The following KCNIP4 variants were observed in gnomAD, a reference collection of about 807,000 sequenced individuals.
KCNIP4 encodes potassium voltage-gated channel interacting protein 4.
A neutral mutation model predicts 34.0 loss-of-function variants in KCNIP4; 12 were observed. That is an observed-to-expected ratio of 0.35 (90% CI 0.23 to 0.57). KCNIP4 has a LOEUF of 0.57. Ranked by LOEUF, KCNIP4 falls within the 20% of genes least tolerant of loss-of-function variation. The pLI is 0.83. For synonymous variants in KCNIP4, 124 were observed against 102.2 expected (o/e 1.21, Z -1.29); for missense variants, 238 against 311.7 (o/e 0.76, Z 1.78).
chr4:21,395,184 T>G (rs1042507921), intron 1 of KCNIP4, among the ~76,000 whole-genome samples: 11 of 152,016 alleles, frequency 7.2e-5, no homozygotes, highest in African/African-American at 2.4e-4. Flanking sequence ...AAGCAGAAAT[T>G]TGTGAGAAAT....
At chr4:21,431,410 C>A (rs890615175) in intron 1 of KCNIP4, among the ~76,000 whole-genome samples, 4 of 151,978 alleles carry the variant, frequency 2.6e-5, no homozygotes, top group East Asian at 1.9e-4. Context: ...CTCCATAGTA[C>A]CAACCATAAT....
At chr4:21,864,690 T>C (rs1294656343) in intron 1 of KCNIP4, among the ~76,000 whole-genome samples, 3 of 152,180 alleles carry the variant, frequency 2.0e-5, no homozygotes. Context: ...ATGTCTGGTA[T>C]CGAGAAAAGG....
chr4:21,565,132 T>C (rs1176331396), intron 1 of KCNIP4, among the ~76,000 whole-genome samples: 2 of 152,108 alleles, frequency 1.3e-5, no homozygotes, highest in African/African-American at 4.8e-5. Flanking sequence ...CATAACAAAA[T>C]ACCATAGACC....
chr4:21,722,851 C>T (rs771024307), intron 1 of KCNIP4, among the ~76,000 whole-genome samples: 1 of 152,186 alleles, frequency 6.6e-6, no homozygotes, highest in South Asian at 2.1e-4. Flanking sequence ...TATGGTTAAA[C>T]ATAATTTTAA....
At chr4:21,545,735 T>C (rs1198647320) in intron 1 of KCNIP4, among the ~76,000 whole-genome samples, 2 of 152,190 alleles carry the variant, frequency 1.3e-5, no homozygotes, top group Admixed American at 6.5e-5. Context: ...TATGGCTGCA[T>C]AGTATTCCAT....
intron 1 of KCNIP4, among the ~76,000 whole-genome samples, chr4:21,794,191 G>A (rs1454032070): frequency 6.6e-6 from 1 of 152,142 alleles, no homozygotes; most frequent in African/African-American, 2.4e-5. Flanking sequence ...GTTAACGGGT[G>A]CAGCACACCA....
chr4:21,236,845 T>C (rs899629834), intron 1 of KCNIP4, among the ~76,000 whole-genome samples: 1 of 142,090 alleles, frequency 7.0e-6, no homozygotes, highest in Non-Finnish European at 1.5e-5. Flanking sequence ...CCACCTCTAC[T>C]AAAAAAAAAA....
chr4:21,087,401 C>T (rs1746568078), intron 1 of KCNIP4, among the ~76,000 whole-genome samples: 1 of 151,998 alleles, frequency 6.6e-6, no homozygotes, highest in Admixed American at 6.6e-5. Context: ...TAGTCTCAAT[C>T]TTCCTGACCT....
intron 1 of KCNIP4, among the ~76,000 whole-genome samples, chr4:21,067,993 T>G (rs1288093738): frequency 6.6e-6 from 1 of 152,204 alleles, no homozygotes; most frequent in Non-Finnish European, 1.5e-5. Flanking sequence ...ATAAATTATT[T>G]GTTAAAATAT....
intron 1 of KCNIP4, among the ~76,000 whole-genome samples, chr4:20,963,251 C>T (rs114918955): frequency 0.019 from 2,917 of 151,800 alleles, 97 homozygotes; most frequent in African/African-American, 0.067. Flanking sequence ...TCCTTGAACC[C>T]GGGAATCAGA....
intron 1 of KCNIP4, among the ~76,000 whole-genome samples, chr4:21,652,248 C>G (rs1747550734): frequency 6.6e-6 from 1 of 152,176 alleles, no homozygotes; most frequent in Non-Finnish European, 1.5e-5. Context: ...TCAGTTGTGG[C>G]AGGCTTTGTC....
At chr4:21,147,807 C>G (rs35859377) in intron 1 of KCNIP4, among the ~76,000 whole-genome samples, 21,858 of 151,414 alleles carry the variant, frequency 0.14, 2,084 homozygotes, top group Non-Finnish European at 0.21. Flanking sequence ...AGCATGGTGG[C>G]AGATGCCTGT....
At position 21,079,510 on chromosome 4, in the gene KCNIP4, A is replaced by G. The variant is rs142915950; in HGVS notation, c.62-196801T>C. Among the ~76,000 whole-genome samples the G allele has an allele frequency of 3.7e-4, 55 of 150,084 alleles. 1 individual carries two copies. In the East Asian group the frequency reaches 0.01, roughly 28 times the overall value. On this transcript the variant is annotated intron_variant, in intron 1 of 8. Transcript: ENST00000382152. ...AACTGCCCCACTTCTCATTTTGCCAAACCAGATTGCCTTTCTCTTAATAGC... is the reference window on the plus strand; with the variant it reads ...AACTGCCCCACTTCTCATTTTGCCAGACCAGATTGCCTTTCTCTTAATAGC...
At chr4:20,876,622 G>T (rs550854548) in intron 2 of KCNIP4, among the ~76,000 whole-genome samples, 1 of 151,764 alleles carries the variant, frequency 6.6e-6, no homozygotes, top group Non-Finnish European at 1.5e-5. Context: ...AGGCTGTAGT[G>T]CAGTGGCACG....
chr4:21,464,127 T>G (rs1461191331), intron 1 of KCNIP4, among the ~76,000 whole-genome samples: 1 of 152,126 alleles, frequency 6.6e-6, no homozygotes, highest in East Asian at 1.9e-4. Context: ...TAGCTAAAAT[T>G]TTGTCAATTT....
Position 21,575,012 on chromosome 4 carries a change from T to C in KCNIP4, c.61+373559A>G, listed in dbSNP as rs189542077. ...CTAATGGAATTATGTAATGTGTATG[T>C]CATTATATATGACTGTTTTTAAAAG... On this transcript the variant is annotated intron_variant, in intron 1 of 8. Coordinates refer to ENST00000382152, the MANE Select transcript of KCNIP4 (RefSeq NM_025221.6). 5.9e-4 allele frequency among the ~76,000 whole-genome samples: 90 copies of C among 152,322 alleles called. No individual in the cohort carries two copies. The East Asian group carries it at 0.014, about 23-fold the overall frequency.
At chr4:21,851,157 G>C (rs1023996593) in intron 1 of KCNIP4, 2 of 152,086 alleles carry the variant, frequency 1.3e-5, no homozygotes, top group African/African-American at 4.8e-5. Context: ...AGACAGAAGA[G>C]AGCCACAGGC....
chr4:21,341,806 C>A (rs1391390987), intron 1 of KCNIP4, among the ~76,000 whole-genome samples: 1 of 152,116 alleles, frequency 6.6e-6, no homozygotes, highest in African/African-American at 2.4e-5. Context: ...TCTGCTATCA[C>A]CACAGTTTTG....
At chr4:21,273,089 T>A (rs895453967) in intron 1 of KCNIP4, among the ~76,000 whole-genome samples, 2 of 152,162 alleles carry the variant, frequency 1.3e-5, no homozygotes, top group African/African-American at 4.8e-5. Flanking sequence ...TTGACACTAT[T>A]TATTGTTATT....
Sources: gnomAD v4.1 joint callset for allele counts (sites outside exome capture counted in the v4.1 genomes callset) on GRCh38, gnomAD v4.1.1 for gene constraint, MANE v1.5 for transcripts, NCBI Gene and HGNC (gene_info 2026-07-23, HGNC 2026-07-21) for gene names.